Variants in TNFRSF11A observed in about 807,000 individuals in gnomAD.
The protein encoded by TNFRSF11A is tumor necrosis factor receptor superfamily member 11A.
TNFRSF11A carries 32 observed loss-of-function variants against 55.7 expected under a neutral mutation model. The ratio of observed to expected loss-of-function variants is 0.57; its 90% CI spans 0.43 to 0.77. The LOEUF (loss-of-function observed/expected upper bound fraction) is 0.77, where lower values mean the gene tolerates loss of function less well. Ranked by LOEUF, TNFRSF11A falls within the 30% of genes least tolerant of loss-of-function variation. TNFRSF11A has a pLI of 0.00. For missense variants in TNFRSF11A, 753 were observed against 809.8 expected (o/e 0.93, Z 0.85); for synonymous variants, 311 against 331.0 (o/e 0.94, Z 0.65).
intron 1 of TNFRSF11A, among the ~76,000 whole-genome samples, chr18:62,330,571 G>A (rs901973909): frequency 2.0e-5 from 3 of 152,332 alleles, no homozygotes; most frequent in Non-Finnish European, 4.4e-5. Flanking sequence ...GCTGTGAGCT[G>A]GAGAGGGCCA....
intron 3 of TNFRSF11A, among the ~76,000 whole-genome samples, chr18:62,352,517 T>C (rs2046488582): frequency 6.6e-6 from 1 of 152,262 alleles, no homozygotes; most frequent in Admixed American, 6.5e-5. Flanking sequence ...GACTCATTGC[T>C]GTCTCTTGGA....
chr18:62,337,306 G>A (rs1211246050), intron 1 of TNFRSF11A, among the ~76,000 whole-genome samples: 1 of 152,058 alleles, frequency 6.6e-6, no homozygotes, highest in East Asian at 1.9e-4. Flanking sequence ...AAATCTAGTG[G>A]CAAAGGTGGT....
At chr18:62,373,870 C>T (rs1172426663) in intron 9 of TNFRSF11A, 1 of 152,300 alleles carries the variant, frequency 6.6e-6, no homozygotes, top group East Asian at 1.9e-4. Context: ...CCTGGTCCCA[C>T]TCTCTCTTGA....
intron 9 of TNFRSF11A, among the ~76,000 whole-genome samples, chr18:62,380,485 G>A (rs1416666724): frequency 6.9e-6 from 1 of 145,562 alleles, no homozygotes; most frequent in African/African-American, 2.6e-5. Context: ...CGCCCAGGCT[G>A]GAGTGCAGTG....
At chr18:62,331,241 AT>A (rs2046148681) in intron 1 of TNFRSF11A, among the ~76,000 whole-genome samples, 1 of 152,022 alleles carries the variant, frequency 6.6e-6, no homozygotes, top group Non-Finnish European at 1.5e-5. Context: ...AAATAAATAA[AT>A]AAATAAGACA....
chr18:62,355,369 C>G (rs1909183171), intron 4 of TNFRSF11A, among the ~76,000 whole-genome samples: 1 of 152,100 alleles, frequency 6.6e-6, no homozygotes, highest in African/African-American at 2.4e-5. Flanking sequence ...CCTCTGCCTC[C>G]CAGGTTCAAG....
intron 7 of TNFRSF11A, among the ~76,000 whole-genome samples, chr18:62,366,109 C>T (rs1055565429): frequency 1.5e-4 from 23 of 152,224 alleles, no homozygotes; most frequent in Non-Finnish European, 2.6e-4. Flanking sequence ...TGAGCCACCG[C>T]GCCTGGCCCT....
intron 9 of TNFRSF11A, among the ~76,000 whole-genome samples, chr18:62,374,312 T>A (rs867764344): frequency 3.9e-5 from 6 of 152,240 alleles, no homozygotes; most frequent in Admixed American, 6.5e-5. Context: ...TGATTCAGAA[T>A]GGAACTATTA....
At position 62,387,953 on chromosome 18, in the gene TNFRSF11A, A is replaced by G. The variant is rs1911844799; in HGVS notation, c.*2919A>G. The G allele has an allele frequency of 6.6e-6, 1 of 152,168 alleles. No individual in the cohort carries two copies. The highest frequency in any genetic ancestry group is 1.5e-5 in the Non-Finnish European group (1 of 68,058). The allele number at this position is 152,168 out of a possible 1,614,324, so 9.4% of individuals were successfully genotyped here. A position where few individuals can be genotyped will look rare whatever the true frequency, so the allele number is the denominator to read the frequency against. On this transcript the variant is annotated 3_prime_UTR_variant, in exon 10 of 10. Transcript: ENST00000586569. ...CAATGGAGTGAGACCTCGTCTCTAC[A>G]AAAAATACAAAACTTATCTGGGCAC...
rs1284125485 is a variant in TNFRSF11A at position 62,390,504 on chromosome 18, A to G, written c.*5470A>G. On this transcript the variant is annotated 3_prime_UTR_variant, in exon 10 of 10. Transcript: ENST00000586569. Reference sequence around the variant, plus strand: ...TGACCACCGGCTCAGAGGAGGTGGCATTATAGGTCCAGGCCCCTTCAGGAG... The same window carrying G: ...TGACCACCGGCTCAGAGGAGGTGGCGTTATAGGTCCAGGCCCCTTCAGGAG... 6.6e-6 allele frequency: 1 copy of G among 152,228 alleles called. No individual in the cohort carries two copies. The highest frequency in any genetic ancestry group is 1.5e-5 in the Non-Finnish European group (1 of 68,048). 9.4% of individuals were successfully genotyped at this position (152,228 alleles called of 1,614,324 possible). A position where few individuals can be genotyped will look rare whatever the true frequency, so the allele number is the denominator to read the frequency against.
chr18:62,332,484 C>G (rs1374351384), intron 1 of TNFRSF11A, among the ~76,000 whole-genome samples: 1 of 152,218 alleles, frequency 6.6e-6, no homozygotes, highest in Non-Finnish European at 1.5e-5. Flanking sequence ...TTATTCACTT[C>G]TGCCCTTGCT....
At chr18:62,338,670 G>T (rs906886958) in intron 1 of TNFRSF11A, among the ~76,000 whole-genome samples, 20 of 152,156 alleles carry the variant, frequency 1.3e-4, no homozygotes, top group African/African-American at 4.8e-4. Flanking sequence ...GAGGGAGGGG[G>T]AATGGGGAGT....
chr18:62,356,127 C>T (rs1000483219), intron 4 of TNFRSF11A, among the ~76,000 whole-genome samples: 27 of 152,146 alleles, frequency 1.8e-4, no homozygotes, highest in Admixed American at 1.8e-3. Flanking sequence ...ATAACAAAAG[C>T]GTTTTTTTCC....
intron 1 of TNFRSF11A, among the ~76,000 whole-genome samples, chr18:62,331,910 C>T (rs2046160481): frequency 6.6e-6 from 1 of 152,212 alleles, no homozygotes; most frequent in Non-Finnish European, 1.5e-5. Context: ...GCCCGTCTGG[C>T]ACCAGCAAAG....
chr18:62,360,531 C>G (rs1336241206), intron 6 of TNFRSF11A, among the ~76,000 whole-genome samples: 1 of 151,880 alleles, frequency 6.6e-6, no homozygotes, highest in Admixed American at 6.6e-5. Context: ...ACTGCAACCT[C>G]CAACTCCCGG....
intron 6 of TNFRSF11A, among the ~76,000 whole-genome samples, chr18:62,361,346 TG>T (rs1392771938): frequency 6.6e-6 from 1 of 152,180 alleles, no homozygotes; most frequent in Non-Finnish European, 1.5e-5. Context: ...GTCATTTTTC[TG>T]GGGATACTGA....
intron 1 of TNFRSF11A, among the ~76,000 whole-genome samples, chr18:62,330,101 T>G (rs2046129999): frequency 2.6e-5 from 4 of 152,092 alleles, no homozygotes; most frequent in Admixed American, 1.3e-4. Context: ...ACAAATGGAG[T>G]ACCCACAACC....
chr18:62,372,069 G>A (rs1447363039), intron 9 of TNFRSF11A, among the ~76,000 whole-genome samples: 1 of 152,176 alleles, frequency 6.6e-6, no homozygotes, highest in Non-Finnish European at 1.5e-5. Flanking sequence ...TTTGTGAGGA[G>A]AATGATTATT....
chr18:62,354,480 G>T lies in TNFRSF11A; in HGVS notation c.373G>T (p.Glu125Ter). The T allele has an allele frequency of 6.2e-7, 1 of 1,601,712 alleles. No homozygotes were observed. The change falls in exon 4 of 10, where the codon GAG (glutamate) becomes TAG (stop). Residue 125 changes from glutamate to a stop codon, truncating the protein, a stop_gained. Transcript: ENST00000586569. LOFTEE classifies it high-confidence loss of function. The stretch of plus-strand genomic sequence containing the variant: ...TGGGTACCACTGGAGCCAGGACTGC[G>T]AGTGCTGCCGCCGCAACACCGAGTG... ...TAGYHWSQDC[E>*]CCRRNTECAP...
Sources: gnomAD v4.1 joint callset for allele counts (sites outside exome capture counted in the v4.1 genomes callset) on GRCh38, gnomAD v4.1.1 for gene constraint, MANE v1.5 for transcripts, NCBI Gene and HGNC (gene_info 2026-07-23, HGNC 2026-07-21) for gene names.